CPNE4: variants seen among roughly 807,000 people sequenced by gnomAD.
CPNE4 encodes copine 4, also known as copine-4.
In CPNE4, 25 loss-of-function variants were observed where a neutral mutation model predicts 67.9. The ratio of observed to expected loss-of-function variants is 0.37; its 90% CI spans 0.27 to 0.51. The LOEUF is 0.51. CPNE4 is among the 20% of genes least tolerant of loss of function. The pLI is 0.93. For missense variants in CPNE4, 464 were observed against 690.8 expected (o/e 0.67, Z 3.68); for synonymous variants, 242 against 244.9 (o/e 0.99, Z 0.11).
intron 2 of CPNE4, among the ~76,000 whole-genome samples, chr3:131,783,384 C>T (rs186606920): frequency 1.1e-3 from 170 of 152,168 alleles, no homozygotes; most frequent in African/African-American, 4.0e-3. Flanking sequence ...GGGGATTTTC[C>T]AGCCTCTATT....
chr3:131,729,296 G>T (rs543607986), intron 2 of CPNE4, among the ~76,000 whole-genome samples: 2 of 152,140 alleles, frequency 1.3e-5, no homozygotes, highest in African/African-American at 4.8e-5. Flanking sequence ...TTTAGTGAGG[G>T]TAGGGAGAAA....
intron 3 of CPNE4, among the ~76,000 whole-genome samples, chr3:131,714,831 C>G (rs148142100): frequency 6.6e-6 from 1 of 152,272 alleles, no homozygotes; most frequent in African/African-American, 2.4e-5. Context: ...TATATAATCT[C>G]TCTCTCATGA....
intron 2 of CPNE4, among the ~76,000 whole-genome samples, chr3:131,765,150 A>T (rs1225496597): frequency 1.3e-5 from 2 of 152,126 alleles, no homozygotes; most frequent in African/African-American, 4.8e-5. Context: ...TGTTATGAGA[A>T]GCAAAGGGAT....
intron 7 of CPNE4, 151 bp from the exon 8 acceptor site, chr3:131,587,733 A>G: frequency 1.6e-6 from 1 of 622,806 alleles, no homozygotes; most frequent in Non-Finnish European, 2.8e-6. Context: ...ATGGGATGTA[A>G]TTCTGGTTTC....
At chr3:131,650,507 C>G (rs1357662142) in intron 7 of CPNE4, among the ~76,000 whole-genome samples, 2 of 142,226 alleles carry the variant, frequency 1.4e-5, no homozygotes, top group Admixed American at 6.7e-5. Flanking sequence ...CTTGTAATCC[C>G]AGCACTCTGG....
At chr3:131,537,936 T>A (rs1935254021) in intron 15 of CPNE4, among the ~76,000 whole-genome samples, 1 of 152,164 alleles carries the variant, frequency 6.6e-6, no homozygotes, top group Admixed American at 6.6e-5. Flanking sequence ...GCTGAATAAT[T>A]CTTTGTGTGG....
At chr3:131,953,245 A>AT (rs767398343) in intron 1 of CPNE4, among the ~76,000 whole-genome samples, 33,815 of 140,508 alleles carry the variant, frequency 0.24, 4,907 homozygotes, top group Non-Finnish European at 0.31. Context: ...CAATTAAAAA[A>AT]AAAAAAAAAA....
In CPNE4 at chr3:131,989,400, A is replaced by C. The variant is rs570435732; in HGVS notation, c.-2+45167T>G. Among the ~76,000 whole-genome samples, 323 of 138,786 alleles carry C rather than the reference A, an allele frequency of 2.3e-3. 10 individuals carry two copies. The highest frequency in any genetic ancestry group is 6.8e-3 in the African/African-American group (280 of 41,152). The allele number at this position is 138,786 out of a possible 152,430, so 91.0% of individuals were successfully genotyped here. A position where few individuals can be genotyped will look rare whatever the true frequency, so the allele number is the denominator to read the frequency against. ...TTGGAATATCAAACATTAAGCTCTC[A>C]TCAAACACTGTAGGTGAGTAAACAG... On this transcript the variant is annotated intron_variant, in intron 1 of 15. Coordinates refer to ENST00000429747, the MANE Select transcript of CPNE4 (RefSeq NM_130808.3).
intron 1 of CPNE4, among the ~76,000 whole-genome samples, chr3:131,907,431 G>T (rs1289397447): frequency 1.3e-5 from 2 of 151,944 alleles, no homozygotes; most frequent in Non-Finnish European, 2.9e-5. Flanking sequence ...ACTACACCAG[G>T]TTTAACTGAG....
At chr3:131,636,080 CAAA>C (rs749734624) in intron 7 of CPNE4, among the ~76,000 whole-genome samples, 3 of 52,820 alleles carry the variant, frequency 5.7e-5, no homozygotes, top group Non-Finnish European at 3.0e-5. Context: ...GACTCCGTCT[CAAA>C]AAAAAAAAAA....
chr3:132,017,100 T>A (rs2073904247), intron 1 of CPNE4, among the ~76,000 whole-genome samples: 1 of 152,120 alleles, frequency 6.6e-6, no homozygotes, highest in Non-Finnish European at 1.5e-5. Context: ...AGCCAGAAGG[T>A]AGACCTGTTG....
Position 131,741,027 on chromosome 3 carries a change from T to G in CPNE4, c.181-17402A>C, listed in dbSNP as rs975660381. On this transcript the variant is annotated intron_variant, in intron 2 of 15. Transcript: ENST00000429747. The stretch of plus-strand genomic sequence containing the variant: ...TCCTTCAGATCCGTACTTAAATGTC[T>G]TCTCATTGAAGCTTTTTCTTGCACC... 2.6e-5 allele frequency among the ~76,000 whole-genome samples: 4 copies of G among 152,172 alleles called. No homozygotes were observed. In the South Asian group the frequency reaches 6.2e-4, roughly 24 times the overall value.
intron 5 of CPNE4, among the ~76,000 whole-genome samples, chr3:131,687,363 A>G (rs534514187): frequency 2.0e-5 from 3 of 152,264 alleles, no homozygotes; most frequent in Admixed American, 1.3e-4. Flanking sequence ...CTAGATTTTA[A>G]TAGTACATAG....
At chr3:131,557,599 C>T (rs1936529770) in intron 11 of CPNE4, among the ~76,000 whole-genome samples, 1 of 152,060 alleles carries the variant, frequency 6.6e-6, no homozygotes, top group Admixed American at 6.6e-5. Flanking sequence ...CCCACTTCTC[C>T]TCACTGTTGG....
chr3:131,712,138 C>T (rs1487549391), intron 3 of CPNE4, among the ~76,000 whole-genome samples: 4 of 152,164 alleles, frequency 2.6e-5, no homozygotes, highest in Non-Finnish European at 4.4e-5. Context: ...ACAATGTTTA[C>T]GTGTCTTACT....
At chr3:131,804,695 G>A (rs547072620) in intron 2 of CPNE4, among the ~76,000 whole-genome samples, 288 of 152,280 alleles carry the variant, frequency 1.9e-3, no homozygotes, top group Non-Finnish European at 3.1e-3. Context: ...AAGTGGCAGC[G>A]TGCCTGTTCT....
intron 1 of CPNE4, among the ~76,000 whole-genome samples, chr3:131,965,551 CAA>C (rs140609107): frequency 0.061 from 9,322 of 152,008 alleles, 406 homozygotes; most frequent in Admixed American, 0.14. Context: ...AAATGGAAAA[CAA>C]AAAACATCAG....
At chr3:131,759,415 G>A (rs1204515676) in intron 2 of CPNE4, among the ~76,000 whole-genome samples, 3 of 152,096 alleles carry the variant, frequency 2.0e-5, no homozygotes, top group Non-Finnish European at 4.4e-5. Context: ...TATTTACTGT[G>A]ACCAAGCCAA....
intron 5 of CPNE4, among the ~76,000 whole-genome samples, chr3:131,688,895 G>A (rs1016881735): frequency 1.3e-5 from 2 of 151,906 alleles, no homozygotes; most frequent in African/African-American, 4.8e-5. Flanking sequence ...CATGATCTAT[G>A]TACAATTTAG....
Sources: gnomAD v4.1 joint callset for allele counts (sites outside exome capture counted in the v4.1 genomes callset) on GRCh38, gnomAD v4.1.1 for gene constraint, MANE v1.5 for transcripts, NCBI Gene and HGNC (gene_info 2026-07-23, HGNC 2026-07-21) for gene names.